Variants in ZDHHC7 observed in about 807,000 individuals in gnomAD.
ZDHHC7 encodes zDHHC palmitoyltransferase 7.
A neutral mutation model predicts 34.1 loss-of-function variants in ZDHHC7; 12 were observed. That is an observed-to-expected ratio of 0.35 (90% CI 0.23 to 0.57). ZDHHC7 has a LOEUF of 0.57. Among genes scored for constraint, ZDHHC7 ranks in the 20% least tolerant of loss-of-function variants. The probability of loss-of-function intolerance (pLI) is 0.84; values close to 1 mark genes in which losing one functional copy is unlikely to be tolerated. For missense variants in ZDHHC7, 388 were observed against 402.7 expected, an observed-to-expected ratio of 0.96 and a Z score of 0.31; for synonymous variants, 185 against 155.4, an observed-to-expected ratio of 1.19 and a Z score of -1.42.
intron 1 of ZDHHC7, among the ~76,000 whole-genome samples, chr16:84,998,180 C>A (rs1027856504): frequency 6.6e-6 from 1 of 150,762 alleles, no homozygotes; most frequent in Admixed American, 6.6e-5. Flanking sequence ...AGGAGAACGG[C>A]GCGAACCCGG....
At chr16:85,022,534 G>C in the ZDHHC7 span, among the ~76,000 whole-genome samples, 1 of 152,112 alleles carries the variant, frequency 6.6e-6, no homozygotes, top group East Asian at 1.9e-4. Context: ...ATAATAAGAA[G>C]AAGGAGAAGA....
At chr16:85,023,464 C>T in the ZDHHC7 span, among the ~76,000 whole-genome samples, 1 of 151,842 alleles carries the variant, frequency 6.6e-6, no homozygotes, top group Non-Finnish European at 1.5e-5. Flanking sequence ...CACACCTGGC[C>T]AATTGTGTTG....
At chr16:85,025,790 G>C in the ZDHHC7 span, among the ~76,000 whole-genome samples, 3 of 152,194 alleles carry the variant, frequency 2.0e-5, no homozygotes, top group East Asian at 5.8e-4. Flanking sequence ...TCCAGGCCCA[G>C]ATATATATTT....
intron 3 of ZDHHC7, among the ~76,000 whole-genome samples, chr16:84,982,986 CA>C (rs1007656466): frequency 7.2e-5 from 11 of 152,188 alleles, no homozygotes; most frequent in African/African-American, 2.7e-4. Context: ...GTTCTTTGGG[CA>C]GTGGAGATAA....
chr16:84,992,155 C>CA (rs201200619), intron 2 of ZDHHC7, among the ~76,000 whole-genome samples: 95 of 133,662 alleles, frequency 7.1e-4, no homozygotes, highest in Middle Eastern at 4.5e-3. Context: ...GACTCAGTCT[C>CA]AAAAAAAAAA....
intron 1 of ZDHHC7, 140 bp downstream of exon 1, chr16:85,011,146 G>A (rs771439589): frequency 1.3e-5 from 2 of 152,346 alleles, no homozygotes; most frequent in Non-Finnish European, 2.9e-5. Flanking sequence ...GTGCCCCTAG[G>A]AACTCCAGAA....
chr16:85,017,440 A>T, the ZDHHC7 span, among the ~76,000 whole-genome samples: 1 of 152,214 alleles, frequency 6.6e-6, no homozygotes, highest in Non-Finnish European at 1.5e-5. Flanking sequence ...TGGACAACTC[A>T]CAGGAGGAGC....
At chr16:84,989,926 G>A (rs766280202) in intron 3 of ZDHHC7, among the ~76,000 whole-genome samples, 1 of 152,040 alleles carries the variant, frequency 6.6e-6, no homozygotes, top group Non-Finnish European at 1.5e-5. Flanking sequence ...CGTCTCCTCC[G>A]AGCTCTGTGG....
chr16:84,994,708 A>G (rs1295386987), intron 2 of ZDHHC7, among the ~76,000 whole-genome samples: 1 of 152,216 alleles, frequency 6.6e-6, no homozygotes, highest in East Asian at 1.9e-4. Context: ...AACACTGGCC[A>G]TGGCAGGACG....
At chr16:84,992,441 C>G (rs1196112496) in intron 2 of ZDHHC7, among the ~76,000 whole-genome samples, 1 of 152,196 alleles carries the variant, frequency 6.6e-6, no homozygotes, top group Non-Finnish European at 1.5e-5. Context: ...CCACGGCACT[C>G]CAGCCTAGTG....
intron 2 of ZDHHC7, among the ~76,000 whole-genome samples, chr16:84,993,625 GAGTA>G (rs1332814350): frequency 6.6e-6 from 1 of 152,120 alleles, no homozygotes; most frequent in African/African-American, 2.4e-5. Flanking sequence ...CTGGGCAACA[GAGTA>G]AGTAAGACCC....
At chr16:84,998,036 G>A (rs112514575) in intron 1 of ZDHHC7, among the ~76,000 whole-genome samples, 29 of 150,718 alleles carry the variant, frequency 1.9e-4, no homozygotes, top group Non-Finnish European at 3.1e-4. Flanking sequence ...CGAGGCGGGC[G>A]GATCACGAGA....
rs908973437 is a variant in ZDHHC7 at position 84,974,516 on chromosome 16, G to C, written c.*1827C>G. 3 of 152,498 alleles carry C rather than the reference G, an allele frequency of 2.0e-5. No homozygotes were observed. The highest frequency in any genetic ancestry group is 7.2e-5 in the African/African-American group (3 of 41,424). The allele number at this position is 152,498 out of a possible 1,614,324, so 9.4% of individuals were successfully genotyped here. On this transcript the variant is annotated 3_prime_UTR_variant, in exon 8 of 8. Coordinates refer to ENST00000313732, the MANE Select transcript of ZDHHC7 (RefSeq NM_017740.3). The stretch of plus-strand genomic sequence containing the variant: ...ATATAAAAGTTACATTGAAAGAAGA[G>C]GTTGAAAAGTCAAGTATACTTGATT...
chr16:84,994,628 T>C (rs2072552843), intron 2 of ZDHHC7, among the ~76,000 whole-genome samples: 1 of 152,208 alleles, frequency 6.6e-6, no homozygotes, highest in Non-Finnish European at 1.5e-5. Flanking sequence ...GATGCTGCTG[T>C]GGCTCCATGC....
At chr16:85,007,966 T>G (rs1476537286) in intron 1 of ZDHHC7, among the ~76,000 whole-genome samples, 3 of 151,762 alleles carry the variant, frequency 2.0e-5, no homozygotes, top group Non-Finnish European at 4.4e-5. Flanking sequence ...CTACAAAAAA[T>G]AAGCCGGACA....
At chr16:85,004,503 C>T (rs1323482716) in intron 1 of ZDHHC7, among the ~76,000 whole-genome samples, 1 of 152,100 alleles carries the variant, frequency 6.6e-6, no homozygotes, top group African/African-American at 2.4e-5. Context: ...CATGCAATCA[C>T]TGCCTTTTCA....
At chr16:84,986,735 T>C (rs918635063) in intron 3 of ZDHHC7, among the ~76,000 whole-genome samples, 2 of 152,214 alleles carry the variant, frequency 1.3e-5, no homozygotes, top group Admixed American at 1.3e-4. Context: ...CCAATTTGTA[T>C]TGTCCAGGGC....
rs1350496931 is a variant in ZDHHC7, at chr16:84,990,250, G to A, written c.315+54C>T. 13 of 1,580,894 alleles carry A rather than the reference G, an allele frequency of 8.2e-6. No homozygotes were observed. The East Asian group carries it at 2.0e-4, about 25-fold the overall frequency. On this transcript the variant is annotated intron_variant, in intron 3 of 7. Transcript: ENST00000313732. ...TTCCTCCAAAGGGTCAGCCACACCCGAGGACACTAGACCAGACACAAGAGA... is the reference window on the plus strand; with the variant it reads ...TTCCTCCAAAGGGTCAGCCACACCCAAGGACACTAGACCAGACACAAGAGA...
At chr16:84,980,127 AT>A (rs113568570) in intron 4 of ZDHHC7, among the ~76,000 whole-genome samples, 7 of 148,040 alleles carry the variant, frequency 4.7e-5, no homozygotes, top group East Asian at 4.0e-4. Flanking sequence ...TGCCCGGCTA[AT>A]TTTTTTTTTC....
Sources: allele counts gnomAD v4.1 joint callset (sites outside exome capture counted in the v4.1 genomes callset), GRCh38; gene constraint gnomAD v4.1.1; transcripts MANE v1.5; gene names NCBI Gene and HGNC (gene_info 2026-07-23, HGNC 2026-07-21).